SOX5: variants seen among roughly 807,000 people sequenced by gnomAD.
SOX5 encodes SRY-box transcription factor 5.
In SOX5, 9 loss-of-function variants were observed where a neutral mutation model predicts 92.0. That is an observed-to-expected ratio of 0.10 (90% CI 0.06 to 0.17). The LOEUF is 0.17. SOX5 is among the 10% of genes least tolerant of loss of function. The probability of loss-of-function intolerance (pLI) is 1.00; values close to 1 mark genes in which losing one functional copy is unlikely to be tolerated. For missense variants in SOX5, 642 were observed against 944.5 expected, an observed-to-expected ratio of 0.68 and a Z score of 4.20; for synonymous variants, 344 against 336.3, an observed-to-expected ratio of 1.02 and a Z score of -0.25.
In SOX5 at chr12:24,283,371, A is replaced by T. The variant is rs990400546; in HGVS notation, c.-173-6059T>A. ...AAACTTCTTTACAGAAGGTCACAAA[A>T]CTTCTCCCAGCAATATTTTCCTCCT... On this transcript the variant is annotated intron_variant, in intron 2 of 4. Coordinates refer to the SOX5 transcript ENST00000446891. 2.0e-5 allele frequency among the ~76,000 whole-genome samples: 3 copies of T among 152,160 alleles called. No individual in the cohort carries two copies. In the East Asian group the frequency reaches 5.8e-4, roughly 29 times the overall value.
chr12:23,617,917 A>G (rs903205170), intron 8 of SOX5, among the ~76,000 whole-genome samples: 4 of 152,202 alleles, frequency 2.6e-5, no homozygotes, highest in African/African-American at 9.6e-5. Flanking sequence ...TTTCTACTCC[A>G]TAAGCCATCT....
At chr12:24,177,463 T>C (rs749910402) in intron 4 of SOX5, among the ~76,000 whole-genome samples, 2 of 152,168 alleles carry the variant, frequency 1.3e-5, no homozygotes, top group Non-Finnish European at 2.9e-5. Context: ...CAGAAAATCA[T>C]AGGAGCCTGA....
At chr12:23,857,248 C>A (rs773931520) in intron 2 of SOX5, among the ~76,000 whole-genome samples, 2 of 152,098 alleles carry the variant, frequency 1.3e-5, no homozygotes, top group Non-Finnish European at 2.9e-5. Context: ...ACCTAGCAGG[C>A]AATGGAGAAC....
intron 3 of SOX5, among the ~76,000 whole-genome samples, chr12:24,266,417 G>A (rs1943030167): frequency 6.6e-6 from 1 of 152,096 alleles, no homozygotes; most frequent in Admixed American, 6.6e-5. Context: ...GTGTGAAATG[G>A]TTCTGGTACA....
chr12:23,737,430 C>T (rs2093643410), intron 5 of SOX5, among the ~76,000 whole-genome samples: 1 of 152,056 alleles, frequency 6.6e-6, no homozygotes. Flanking sequence ...ATCCCAGCTA[C>T]TTGGGAGGCT....
At chr12:24,146,436 G>T (rs1951089271) in intron 4 of SOX5, among the ~76,000 whole-genome samples, 1 of 152,000 alleles carries the variant, frequency 6.6e-6, no homozygotes, top group Non-Finnish European at 1.5e-5. Flanking sequence ...TGAACTAAGT[G>T]AAAATTAAAA....
intron 3 of SOX5, among the ~76,000 whole-genome samples, chr12:23,778,165 C>G (rs2141685385): frequency 6.6e-6 from 1 of 152,298 alleles, no homozygotes; most frequent in Middle Eastern, 3.4e-3. Flanking sequence ...AAATGTGACT[C>G]CGTTGTATTT....
intron 4 of SOX5, among the ~76,000 whole-genome samples, chr12:23,742,873 A>G (rs1278743511): frequency 1.3e-5 from 2 of 152,094 alleles, no homozygotes; most frequent in East Asian, 3.9e-4. Context: ...ATGCAGCTGT[A>G]ATCCCAGCTA....
At chr12:24,208,000 T>G (rs1421582054) in intron 4 of SOX5, among the ~76,000 whole-genome samples, 1 of 152,196 alleles carries the variant, frequency 6.6e-6, no homozygotes, top group Admixed American at 6.5e-5. Flanking sequence ...AACAAACTGC[T>G]TTTTGTGATT....
At chr12:24,468,629 A>C (rs888615381) in intron 1 of SOX5, among the ~76,000 whole-genome samples, 1 of 152,112 alleles carries the variant, frequency 6.6e-6, no homozygotes, top group South Asian at 2.1e-4. Flanking sequence ...AAACTTTCCC[A>C]TTCCCATTCT....
rs1226711020 is a variant in SOX5, at chr12:23,895,957, T to G, written c.106A>C (p.Arg36=). ...ADGEVAMVTS[R]QKVEEEESDG... ...CTCTCCTCTTCTTCCACTTTCTGTCTGCTTGTCACCATGGCTACCTCTCCA... is the reference window on the plus strand; with the variant it reads ...CTCTCCTCTTCTTCCACTTTCTGTCGGCTTGTCACCATGGCTACCTCTCCA... Residue 36 remains arginine, a synonymous_variant, in exon 2 of 15, where the codon AGA becomes CGA. Transcript: ENST00000451604. The G allele has an allele frequency of 6.2e-7, 1 of 1,614,160 alleles. No individual in the cohort carries two copies. Among genetic ancestry groups the G allele is most frequent in the Admixed American group, 1.7e-5 (1 of 60,020 alleles).
At chr12:24,075,129 C>T (rs764157382) in intron 4 of SOX5, among the ~76,000 whole-genome samples, 3 of 151,360 alleles carry the variant, frequency 2.0e-5, no homozygotes, top group East Asian at 1.9e-4. Context: ...ATTAGCTGAG[C>T]GTGGTGGTGC....
rs113370176 is a variant in SOX5 at position 24,429,861 on chromosome 12, A to G, written c.-250-61222T>C. Among the ~76,000 whole-genome samples, 603 of 152,318 alleles carry G rather than the reference A, an allele frequency of 4.0e-3. 4 individuals carry two copies. Among genetic ancestry groups the G allele is most frequent in the Middle Eastern group, 0.017 (5 of 294 alleles). ...ACATCCAATACAACAGGTTACATAT[A>G]TATGTTCATACCCTATATGACCATG... On this transcript the variant is annotated intron_variant, in intron 1 of 4. Transcript: ENST00000446891.
chr12:23,833,471 C>A (rs2096364181), intron 3 of SOX5, among the ~76,000 whole-genome samples: 1 of 151,956 alleles, frequency 6.6e-6, no homozygotes. Flanking sequence ...CAAGCCAATT[C>A]ACTTCTCACT....
At chr12:23,950,735 G>T, upstream of SOX5, 1 of 774,156 alleles carries the variant, frequency 1.3e-6, no homozygotes, top group Non-Finnish European at 2.2e-6. Context: ...ATTCTAAGCT[G>T]GCTGGCAAGG....
At chr12:24,148,868 TGACAGA>T (rs1435757713) in intron 4 of SOX5, among the ~76,000 whole-genome samples, 1 of 28,774 alleles carries the variant, frequency 3.5e-5, no homozygotes, top group Non-Finnish European at 6.0e-5. Context: ...ACAGCCTGGG[TGACAGA>T]GGGAGAGGGA....
chr12:24,374,491 C>G (rs1957046884), intron 1 of SOX5, among the ~76,000 whole-genome samples: 1 of 150,298 alleles, frequency 6.7e-6, no homozygotes, highest in Non-Finnish European at 1.5e-5. Context: ...TCTGCCCTCT[C>G]CAGACCACCA....
At chr12:23,611,123 A>G (rs944551627) in intron 8 of SOX5, among the ~76,000 whole-genome samples, 8 of 152,188 alleles carry the variant, frequency 5.3e-5, no homozygotes, top group East Asian at 1.9e-4. Context: ...ATTTTATAAA[A>G]TTATTATTTG....
At chr12:23,842,494 G>A (rs930144210) in intron 3 of SOX5, among the ~76,000 whole-genome samples, 1 of 152,058 alleles carries the variant, frequency 6.6e-6, no homozygotes, top group South Asian at 2.1e-4. Flanking sequence ...TCAAAGGAAC[G>A]ATACGTCAGA....
Sources: gnomAD v4.1 joint callset for allele counts (sites outside exome capture counted in the v4.1 genomes callset) on GRCh38, gnomAD v4.1.1 for gene constraint, MANE v1.5 for transcripts, NCBI Gene and HGNC (gene_info 2026-07-23, HGNC 2026-07-21) for gene names.